BMPR1A: variants seen among roughly 807,000 people sequenced by gnomAD.
BMPR1A encodes the protein bone morphogenetic protein receptor type-1A.
A neutral mutation model predicts 66.0 loss-of-function variants in BMPR1A; 7 were observed. That is an observed-to-expected ratio of 0.11 (90% CI 0.06 to 0.20). BMPR1A has a LOEUF of 0.20. BMPR1A is among the 10% of genes least tolerant of loss of function. BMPR1A has a pLI of 1.00. For synonymous variants in BMPR1A, 200 were observed against 229.7 expected, an observed-to-expected ratio of 0.87 and a Z score of 1.17; for missense variants, 408 against 669.1, an observed-to-expected ratio of 0.61 and a Z score of 4.31.
At chr10:86,929,309 T>G (rs1165350206), downstream of BMPR1A, 1 of 152,180 alleles carries the variant, frequency 6.6e-6, no homozygotes, top group Non-Finnish European at 1.5e-5. Flanking sequence ...GTTCATGAGC[T>G]TAGAGCGATG....
intron 1 of BMPR1A, among the ~76,000 whole-genome samples, chr10:86,805,912 T>C (rs549016060): frequency 6.6e-6 from 1 of 150,528 alleles, no homozygotes; most frequent in Non-Finnish European, 1.5e-5. Flanking sequence ...TTTTTTTTTT[T>C]TAAAGCATTT....
At chr10:86,873,765 G>A (rs1378651160) in intron 2 of BMPR1A, among the ~76,000 whole-genome samples, 1 of 152,180 alleles carries the variant, frequency 6.6e-6, no homozygotes, top group African/African-American at 2.4e-5. Context: ...ATTTCAAGAA[G>A]TTTTCAAAGA....
intron 8 of BMPR1A, among the ~76,000 whole-genome samples, chr10:86,913,573 A>G (rs962991269): frequency 5.9e-5 from 9 of 152,204 alleles, no homozygotes; most frequent in Admixed American, 1.3e-4. Context: ...CAGCCAGTAA[A>G]TGACTTTATC....
intron 1 of BMPR1A, among the ~76,000 whole-genome samples, chr10:86,759,399 C>T (rs1218360298): frequency 6.6e-6 from 1 of 152,138 alleles, no homozygotes; most frequent in Non-Finnish European, 1.5e-5. Context: ...TTCTGAATCA[C>T]GTTTTTTTGT....
At chr10:86,892,418 T>G (rs1316835752) in intron 5 of BMPR1A, among the ~76,000 whole-genome samples, 189 bp downstream of exon 5, 4 of 152,216 alleles carry the variant, frequency 2.6e-5, no homozygotes, top group Admixed American at 6.5e-5. Flanking sequence ...AAATCATTTC[T>G]GAAAAGCTAA....
At chr10:86,931,140 C>G (rs929515749), downstream of BMPR1A, 1 of 150,088 alleles carries the variant, frequency 6.7e-6, no homozygotes, top group Non-Finnish European at 1.5e-5. Context: ...CCTTGGGAAG[C>G]TGAGGCAGGA....
chr10:86,846,348 A>G (rs1842484833), intron 2 of BMPR1A, among the ~76,000 whole-genome samples: 1 of 152,176 alleles, frequency 6.6e-6, no homozygotes. Context: ...AGCCTTGGGA[A>G]GAAGCTGGCT....
chr10:86,820,877 C>G (rs763684582), intron 1 of BMPR1A, among the ~76,000 whole-genome samples: 2 of 151,898 alleles, frequency 1.3e-5, no homozygotes, highest in East Asian at 1.9e-4. Flanking sequence ...TAATAATCAT[C>G]TTTTCACTTA....
intron 1 of BMPR1A, among the ~76,000 whole-genome samples, chr10:86,829,477 A>G (rs1220477429): frequency 2.0e-5 from 3 of 152,116 alleles, no homozygotes; most frequent in Admixed American, 6.6e-5. Context: ...ACATTGGTAC[A>G]TTTTATGTGT....
At chr10:86,907,123 A>G (rs1029493879) in intron 7 of BMPR1A, among the ~76,000 whole-genome samples, 2 of 152,238 alleles carry the variant, frequency 1.3e-5, no homozygotes, top group African/African-American at 2.4e-5. Context: ...CAGTTCTGTG[A>G]AAGGCCCTCC....
intron 1 of BMPR1A, among the ~76,000 whole-genome samples, chr10:86,761,614 G>A (rs142438144): frequency 1.2e-4 from 19 of 152,304 alleles, no homozygotes; most frequent in African/African-American, 3.9e-4. Flanking sequence ...CTAAGCACGT[G>A]GGAGTTATTT....
intron 1 of BMPR1A, among the ~76,000 whole-genome samples, chr10:86,834,458 C>G (rs1842313896): frequency 6.6e-6 from 1 of 152,126 alleles, no homozygotes; most frequent in South Asian, 2.1e-4. Context: ...GACATAGATA[C>G]AAGCTTAAAC....
At chr10:86,807,321 TA>T (rs1435666975) in intron 1 of BMPR1A, among the ~76,000 whole-genome samples, 2 of 152,156 alleles carry the variant, frequency 1.3e-5, no homozygotes, top group East Asian at 3.8e-4. Context: ...ATTTTTAATT[TA>T]AAAAAATTGA....
At position 86,906,893 on chromosome 10, in the gene BMPR1A, T is replaced by G. The variant is rs1843402409; in HGVS notation, c.531-5347T>G. On this transcript the variant is annotated intron_variant, in intron 7 of 12. Transcript: ENST00000372037. ...CTTGTTTTTTCTCTTTGTATTTTAG[T>G]TCAGGTAACTTCTATTTACCTATTT... 3.3e-5 allele frequency among the ~76,000 whole-genome samples: 5 copies of G among 152,202 alleles called. No homozygotes were observed. In the South Asian group the frequency reaches 1.0e-3, roughly 31 times the overall value.
intron 3 of BMPR1A, among the ~76,000 whole-genome samples, chr10:86,888,283 G>A (rs1175299524): frequency 6.6e-6 from 1 of 151,802 alleles, no homozygotes; most frequent in Non-Finnish European, 1.5e-5. Flanking sequence ...GGCCAACATG[G>A]TGAAACCCTG....
chr10:86,781,558 G>A (rs745468765), intron 1 of BMPR1A, among the ~76,000 whole-genome samples: 3 of 152,116 alleles, frequency 2.0e-5, no homozygotes, highest in Non-Finnish European at 2.9e-5. Context: ...CGTGAAGAAT[G>A]TCATTGGTAT....
intron 2 of BMPR1A, chr10:86,856,046 CA>C: frequency 3.3e-6 from 2 of 602,538 alleles, no homozygotes; most frequent in Non-Finnish European, 3.2e-6. Context: ...ATTTGTGCTT[CA>C]AAAAACTCAG....
intron 2 of BMPR1A, among the ~76,000 whole-genome samples, chr10:86,846,012 A>G (rs1057266198): frequency 2.0e-5 from 3 of 151,288 alleles, no homozygotes; most frequent in Admixed American, 6.6e-5. Context: ...AAAAAAAATT[A>G]TATATATATA....
At chr10:86,808,116 ATCT>A (rs1222137075) in intron 1 of BMPR1A, among the ~76,000 whole-genome samples, 2 of 152,174 alleles carry the variant, frequency 1.3e-5, no homozygotes, top group Non-Finnish European at 2.9e-5. Flanking sequence ...GATTATCTAT[ATCT>A]TCTTGTGTGA....
Sources: gnomAD v4.1 joint callset for allele counts (sites outside exome capture counted in the v4.1 genomes callset) on GRCh38, gnomAD v4.1.1 for gene constraint, MANE v1.5 for transcripts, NCBI Gene and HGNC (gene_info 2026-07-23, HGNC 2026-07-21) for gene names.